The following NLRC4 variants were observed in gnomAD, a reference collection of about 807,000 sequenced individuals.
The protein encoded by NLRC4 is NLR family CARD domain-containing protein 4.
NLRC4 carries 63 observed loss-of-function variants against 79.9 expected under a neutral mutation model. That is an observed-to-expected ratio of 0.79 (90% CI 0.64 to 0.97). NLRC4 has a LOEUF of 0.97. NLRC4 is among the 50% of genes least tolerant of loss of function. The pLI, the probability that NLRC4 is intolerant of heterozygous loss-of-function variation, is 0.00. For missense variants in NLRC4, 1,074 were observed against 1,215.2 expected (o/e 0.88, Z 1.73); for synonymous variants, 461 against 456.5 (o/e 1.01, Z -0.12).
intron 3 of NLRC4, among the ~76,000 whole-genome samples, 162 bp from the exon 4 acceptor site, chr2:32,251,763 C>T (rs1687084197): frequency 6.6e-6 from 1 of 152,142 alleles, no homozygotes. Flanking sequence ...GTCTGCTCCC[C>T]CTTTCCCCAG....
chr2:32,260,099 C>T (rs1020870401), intron 1 of NLRC4, among the ~76,000 whole-genome samples: 5 of 150,882 alleles, frequency 3.3e-5, no homozygotes, highest in Non-Finnish European at 5.9e-5. Flanking sequence ...CATGGTGGCT[C>T]ATGCCTGTAA....
Position 32,250,533 on chromosome 2 carries a change from T to C in NLRC4, c.1331A>G (p.Lys444Arg). The change falls in exon 4 of 9, where the codon AAG (lysine) becomes AGG (arginine). Residue 444 changes from lysine to arginine, a missense_variant. Transcript: ENST00000402280. This position sits in a 1 kb window ranked among gnomAD's most constrained non-coding sequence, Gnocchi z 4.9. Reference protein sequence around the residue: ...RFKPKYKFFHKSFQEYTAGRR... With the variant: ...RFKPKYKFFHRSFQEYTAGRR... ...TCCTGCTGTGTACTCCTGGAATGAC[T>C]TGTGAAAGAATTTATACTTTGGCTT... 6.2e-7 allele frequency: 1 copy of C among 1,614,226 alleles called. No homozygotes were observed. The highest frequency in any genetic ancestry group is 8.5e-7 in the Non-Finnish European group (1 of 1,180,036).
Position 32,261,316 on chromosome 2 carries a change from C to CTTTTTTTTTTTTTTTTTT in NLRC4, c.-119+3421_-119+3422insAAAAAAAAAAAAAAAAAA, listed in dbSNP as rs751434892. Among the ~76,000 whole-genome samples, 350 of 96,744 alleles carry CTTTTTTTTTTTTTTTTTT rather than the reference C, an allele frequency of 3.6e-3. 32 individuals are homozygous for CTTTTTTTTTTTTTTTTTT. Among genetic ancestry groups the CTTTTTTTTTTTTTTTTTT allele is most frequent in the Middle Eastern group, 5.7e-3 (1 of 176 alleles). The allele number at this position is 96,744 out of a possible 152,430, so 63.5% of individuals were successfully genotyped here. A position where few individuals can be genotyped will look rare whatever the true frequency, so the allele number is the denominator to read the frequency against. On this transcript the variant is annotated intron_variant, in intron 1 of 8. Coordinates refer to ENST00000402280, the MANE Select transcript of NLRC4 (RefSeq NM_001199138.2). Reference sequence around the variant, plus strand: ...TTCTTTCGCCTATTAAGCCTCCCCCCTTTTGTTTTTTTTTGAGATGGAGCC... The same window carrying CTTTTTTTTTTTTTTTTTT: ...TTCTTTCGCCTATTAAGCCTCCCCCCTTTTTTTTTTTTTTTTTTTTTTGTTTTTTTTTGAGATGGAGCC...
At chr2:32,228,048 A>T (rs533334753) in intron 8 of NLRC4, among the ~76,000 whole-genome samples, 2 of 152,316 alleles carry the variant, frequency 1.3e-5, no homozygotes, top group African/African-American at 4.8e-5. Flanking sequence ...TCATTCAGCA[A>T]CATCTTTAGT....
In NLRC4 at chr2:32,224,624, T is replaced by G; in HGVS notation, c.2924A>C (p.Lys975Thr). 1 of 1,613,942 alleles carries G rather than the reference T, an allele frequency of 6.2e-7. No homozygotes were observed. The stretch of plus-strand genomic sequence containing the variant: ...TAATGCTGGATCAGGTAGAAATTCT[T>G]TAGTACTAAAGTCAAAAAACACTAA... ...KQLVFFDFST[K>T]EFLPDPALVR... The change falls in exon 9 of 9, where the codon AAA (lysine) becomes ACA (threonine). Residue 975 changes from lysine to threonine, a missense_variant. Coordinates refer to ENST00000402280, the MANE Select transcript of NLRC4 (RefSeq NM_001199138.2).
At chr2:32,239,617 C>T (rs572093751) in intron 5 of NLRC4, among the ~76,000 whole-genome samples, 3 of 152,148 alleles carry the variant, frequency 2.0e-5, no homozygotes, top group Admixed American at 6.5e-5. Context: ...ACTGCCGAGG[C>T]TAGTGTCTAA....
Position 32,250,215 on chromosome 2 carries a change from T to G in NLRC4, c.1649A>C (p.Asn550Thr). ...GCCACACTCTACAAAGGAATTGATG[T>G]TTATGGCTTTCAGAATTTCTTGCTC... ...TTEQEILKAI[N>T]INSFVECGIH... The change falls in exon 4 of 9, where the codon AAC (asparagine) becomes ACC (threonine). Residue 550 changes from asparagine to threonine, a missense_variant. Physicochemically the swap from Asn to Thr is moderately conservative, Grantham distance 65. Transcript: ENST00000402280. The surrounding 1 kb of genome is among the most constrained non-coding windows in gnomAD (Gnocchi z 4.9). 1 of 1,614,222 alleles carries G rather than the reference T, an allele frequency of 6.2e-7. No homozygotes were observed. Among genetic ancestry groups the G allele is most frequent in the Non-Finnish European group, 8.5e-7 (1 of 1,180,042 alleles).
rs746422994 is a variant in NLRC4 at position 32,251,557 on chromosome 2, G to A, written c.307C>T (p.Gln103Ter). 2.5e-6 allele frequency: 4 copies of A among 1,611,010 alleles called. No homozygotes were observed. In the Admixed American group the frequency reaches 6.7e-5, roughly 27 times the overall value. ...GTATGGTACAAGTCCTTTAAATCCT[G>A]AGCCAAATCGTCCAAGTCTCCTTCT... ...TSEGDLDDLA[Q>*]DLKDLYHTPS... Residue 103 changes from glutamine to a stop codon, truncating the protein, a stop_gained, in exon 4 of 9, where the codon CAG (glutamine) becomes TAG (stop). Transcript: ENST00000402280. LOFTEE classifies it high-confidence loss of function.
At position 32,235,466 on chromosome 2, in the gene NLRC4, A is replaced by G; in HGVS notation, c.2717T>C (p.Val906Ala). ...CAACCCAAGCTTGACGAGTTGTGGG[A>G]CCTCCTCCAAATGTTTCAACAGGCT... ...LSSLLKHLEE[V>A]PQLVKLGLKN... Residue 906 changes from valine to alanine, a missense_variant, in exon 8 of 9, where the codon GTC (valine) becomes GCC (alanine). Coordinates refer to ENST00000402280, the MANE Select transcript of NLRC4 (RefSeq NM_001199138.2). The G allele has an allele frequency of 6.2e-7, 1 of 1,614,052 alleles. No homozygotes were observed. Among genetic ancestry groups the G allele is most frequent in the Non-Finnish European group, 8.5e-7 (1 of 1,179,960 alleles).
At chr2:32,228,596 A>G (rs963147515) in intron 8 of NLRC4, among the ~76,000 whole-genome samples, 8 of 152,146 alleles carry the variant, frequency 5.3e-5, no homozygotes, top group African/African-American at 1.7e-4. Context: ...CCAAAGACCT[A>G]AGTTTTTCAG....
rs1344509641 is a variant in NLRC4, at chr2:32,251,330, C to T, written c.534G>A (p.Leu178=). 1 of 1,614,142 alleles carries T rather than the reference C, an allele frequency of 6.2e-7. No individual in the cohort carries two copies. The highest frequency in any genetic ancestry group is 2.2e-5 in the East Asian group (1 of 44,872). ...CCCAGAGCATGGCAATTCGCTGCAG[C>T]AGAGTGGACTTGCCTTTGCCAGATT... ...EGESGKGKST[L]LQRIAMLWGS... is the part of the protein sequence containing the mutation. The change falls in exon 4 of 9, where the codon CTG becomes CTA. Residue 178 remains leucine (L), a synonymous_variant. Transcript: ENST00000402280.
chr2:32,228,762 G>A (rs1026223968), intron 8 of NLRC4, among the ~76,000 whole-genome samples: 3 of 151,840 alleles, frequency 2.0e-5, no homozygotes, highest in African/African-American at 7.2e-5. Context: ...TAGGGTCTGC[G>A]ATGGCTTTTT....
intron 1 of NLRC4, among the ~76,000 whole-genome samples, chr2:32,258,099 C>G (rs1221895765): frequency 6.6e-6 from 1 of 152,116 alleles, no homozygotes; most frequent in Non-Finnish European, 1.5e-5. Context: ...AAGCTCTCAG[C>G]AGATGGGGTA....
intron 8 of NLRC4, among the ~76,000 whole-genome samples, chr2:32,233,349 A>ATATATTTTT (rs1418146489): frequency 1.7e-4 from 7 of 41,100 alleles, no homozygotes; most frequent in South Asian, 9.7e-4. Flanking sequence ...ATATATATAT[A>ATATATTTTT]TTTTTTTTTT....
intron 5 of NLRC4, among the ~76,000 whole-genome samples, chr2:32,240,803 C>T (rs770165907): frequency 2.0e-5 from 3 of 152,098 alleles, no homozygotes; most frequent in Non-Finnish European, 2.9e-5. Context: ...GTTAAAAACA[C>T]GTCAGGGGCT....
At chr2:32,258,280 G>C (rs1687256888) in intron 1 of NLRC4, among the ~76,000 whole-genome samples, 1 of 152,178 alleles carries the variant, frequency 6.6e-6, no homozygotes, top group African/African-American at 2.4e-5. Flanking sequence ...ACGTCCAGCT[G>C]CTTGTATGTT....
chr2:32,261,316 C>CCCTTTTTTTTTTTTTTTTTTTTT lies in NLRC4; in HGVS notation c.-119+3421_-119+3422insAAAAAAAAAAAAAAAAAAAAAGG. On this transcript the variant is annotated intron_variant, in intron 1 of 8. Transcript: ENST00000402280. ...TTCTTTCGCCTATTAAGCCTCCCCC[C>CCCTTTTTTTTTTTTTTTTTTTTT]TTTTGTTTTTTTTTGAGATGGAGCC... Among the ~76,000 whole-genome samples the CCCTTTTTTTTTTTTTTTTTTTTT allele has an allele frequency of 6.2e-4, 60 of 96,878 alleles. 1 individual carries two copies. Among genetic ancestry groups the CCCTTTTTTTTTTTTTTTTTTTTT allele is most frequent in the Non-Finnish European group, 7.1e-4 (34 of 48,112 alleles). 63.6% of individuals were successfully genotyped at this position (96,878 alleles called of 152,430 possible). A position where few individuals can be genotyped will look rare whatever the true frequency, so the allele number is the denominator to read the frequency against.
chr2:32,233,384 A>T (rs1686601118), intron 8 of NLRC4, among the ~76,000 whole-genome samples: 2 of 129,280 alleles, frequency 1.5e-5, no homozygotes, highest in Admixed American at 8.7e-5. Flanking sequence ...TAGAGACGAC[A>T]TGTTACCATA....
chr2:32,236,543 T>C (rs1459843910), intron 6 of NLRC4, among the ~76,000 whole-genome samples: 1 of 152,112 alleles, frequency 6.6e-6, no homozygotes, highest in African/African-American at 2.4e-5. Flanking sequence ...AATGGGCAAA[T>C]AGTCATTGGT....
Sources: allele counts gnomAD v4.1 joint callset (sites outside exome capture counted in the v4.1 genomes callset), GRCh38; gene constraint gnomAD v4.1.1; non-coding constraint Gnocchi (gnomAD v3.1); transcripts MANE v1.5; gene names NCBI Gene and HGNC (gene_info 2026-07-23, HGNC 2026-07-21).